Variants in SLC35E3 observed in about 807,000 individuals in gnomAD.
SLC35E3 encodes the protein bladder cancer-overexpressed gene 1 protein.
In SLC35E3, 28 loss-of-function variants were observed where a neutral mutation model predicts 30.8. That is an observed-to-expected ratio of 0.91 (90% CI 0.67 to 1.25). SLC35E3 has a LOEUF of 1.25. Among genes scored for constraint, SLC35E3 ranks in the 50% most tolerant of loss-of-function variants. SLC35E3 has a pLI of 0.00. For missense variants in SLC35E3, 365 were observed against 375.4 expected (o/e 0.97, Z 0.23); for synonymous variants, 146 against 149.2 (o/e 0.98, Z 0.16).
intron 2 of SLC35E3, among the ~76,000 whole-genome samples, chr12:68,751,359 G>A (rs1170449453): frequency 2.7e-5 from 4 of 150,578 alleles, no homozygotes; most frequent in African/African-American, 7.4e-5. Context: ...GTGCAGTGGC[G>A]CGATCTCAGC....
chr12:68,746,845 T>A, intron 1 of SLC35E3, 66 bp downstream of exon 1: 1 of 1,462,822 alleles, frequency 6.8e-7, no homozygotes, highest in Non-Finnish European at 9.2e-7. Context: ...CCCCGGGAAA[T>A]TCGAACGCAC....
chr12:68,767,036 C>A lies in SLC35E3; in HGVS notation c.*2146C>A, dbSNP rs182242792. On this transcript the variant is annotated 3_prime_UTR_variant, in exon 5 of 5. Coordinates refer to ENST00000398004, the MANE Select transcript of SLC35E3 (RefSeq NM_018656.5). Reference sequence around the variant, plus strand: ...CTTTCTAAGGTGGCTGGGGAAAATTCTTGTACAGCAAGTTGGGACAAAATA... The same window carrying A: ...CTTTCTAAGGTGGCTGGGGAAAATTATTGTACAGCAAGTTGGGACAAAATA... 126 of 167,278 alleles carry A rather than the reference C, an allele frequency of 7.5e-4. 1 individual carries two copies. Among genetic ancestry groups the A allele is most frequent in the African/African-American group, 2.9e-3 (121 of 41,850 alleles). The allele number at this position is 167,278 out of a possible 1,614,324, so 10.4% of individuals were successfully genotyped here.
chr12:68,750,338 C>A (rs191952724), intron 2 of SLC35E3, among the ~76,000 whole-genome samples: 171 of 152,292 alleles, frequency 1.1e-3, no homozygotes, highest in African/African-American at 3.9e-3. Flanking sequence ...GAGGGAAGAG[C>A]AGTAGATCTC....
rs1414376068 is a variant in SLC35E3 at position 68,775,916 on chromosome 12, C to A, written c.*11026C>A. 1 of 130,520 alleles carries A rather than the reference C, an allele frequency of 7.7e-6. No individual in the cohort carries two copies. Among genetic ancestry groups the A allele is most frequent in the Admixed American group, 8.9e-5 (1 of 11,182 alleles). 8.1% of individuals were successfully genotyped at this position (130,520 alleles called of 1,614,324 possible). A position where few individuals can be genotyped will look rare whatever the true frequency, so the allele number is the denominator to read the frequency against. ...TAAGCTGGAATCACACTATTACACT[C>A]CAGCCTGGGTGACAAGAGCGAAACT... On this transcript the variant is annotated 3_prime_UTR_variant, in exon 5 of 5. Coordinates refer to ENST00000398004, the MANE Select transcript of SLC35E3 (RefSeq NM_018656.5).
At chr12:68,759,389 C>A in intron 4 of SLC35E3, 150 bp downstream of exon 4, 1 of 628,910 alleles carries the variant, frequency 1.6e-6, no homozygotes, top group Non-Finnish European at 2.8e-6. Flanking sequence ...TATCTTTACC[C>A]ACTAAAGGAT....
rs1039953003 is a variant in SLC35E3, at chr12:68,778,573, T to G, written c.*13683T>G. On this transcript the variant is annotated 3_prime_UTR_variant, in exon 5 of 5. Coordinates refer to ENST00000398004, the MANE Select transcript of SLC35E3 (RefSeq NM_018656.5). ...GCAAGGCCGAAGCGGGTGGATCACC[T>G]GAGGTCAGGAGTTTGAGACCAGCCT... 5 of 152,238 alleles carry G rather than the reference T, an allele frequency of 3.3e-5. No individual in the cohort carries two copies. The highest frequency in any genetic ancestry group is 1.2e-4 in the African/African-American group (5 of 41,456). 9.4% of individuals were successfully genotyped at this position (152,238 alleles called of 1,614,324 possible).
chr12:68,750,849 T>C (rs1020026453), intron 2 of SLC35E3, among the ~76,000 whole-genome samples: 2 of 152,284 alleles, frequency 1.3e-5, no homozygotes, highest in East Asian at 3.9e-4. Flanking sequence ...TATTTTTGTC[T>C]TGATGGATTT....
intron 1 of SLC35E3, among the ~76,000 whole-genome samples, chr12:68,747,394 C>G (rs112211049): frequency 0.05 from 7,608 of 152,046 alleles, 635 homozygotes; most frequent in African/African-American, 0.17. Flanking sequence ...CTCAGCCTCC[C>G]GAGTAGCTGG....
Position 68,769,661 on chromosome 12 carries a change from TAAATA to T in SLC35E3, c.*4774_*4778del, listed in dbSNP as rs1430734796. On this transcript the variant is annotated 3_prime_UTR_variant, in exon 5 of 5. Coordinates refer to ENST00000398004, the MANE Select transcript of SLC35E3 (RefSeq NM_018656.5). ...GCAACAAGAGCAAAACTGTCTCAAA[TAAATA>T]AATAATAAAAGAAAGGAGACCGGAT... 1 of 152,040 alleles carries T rather than the reference TAAATA, an allele frequency of 6.6e-6. No homozygotes were observed. The highest frequency in any genetic ancestry group is 2.4e-5 in the African/African-American group (1 of 41,422). The allele number at this position is 152,040 out of a possible 1,614,324, so 9.4% of individuals were successfully genotyped here. A position where few individuals can be genotyped will look rare whatever the true frequency, so the allele number is the denominator to read the frequency against.
intron 3 of SLC35E3, among the ~76,000 whole-genome samples, chr12:68,756,889 C>T (rs1879035252): frequency 6.6e-6 from 1 of 152,162 alleles, no homozygotes; most frequent in African/African-American, 2.4e-5. Context: ...GTGGCTGGTG[C>T]CTGTAGTCTC....
At position 68,767,062 on chromosome 12, in the gene SLC35E3, G is replaced by A. The variant is rs1879449971; in HGVS notation, c.*2172G>A. ...TTGTACAGCAAGTTGGGACAAAATAGCCATATAGAAACAGCCATATAAGAT... is the reference window on the plus strand; with the variant it reads ...TTGTACAGCAAGTTGGGACAAAATAACCATATAGAAACAGCCATATAAGAT... On this transcript the variant is annotated 3_prime_UTR_variant, in exon 5 of 5. Coordinates refer to ENST00000398004, the MANE Select transcript of SLC35E3 (RefSeq NM_018656.5). 6.1e-6 allele frequency: 1 copy of A among 163,524 alleles called. No individual in the cohort carries two copies. Among genetic ancestry groups the A allele is most frequent in the Non-Finnish European group, 1.3e-5 (1 of 74,304 alleles). 10.1% of individuals were successfully genotyped at this position (163,524 alleles called of 1,614,324 possible).
intron 2 of SLC35E3, 71 bp from the exon 3 acceptor site, chr12:68,751,961 T>C: frequency 7.1e-7 from 1 of 1,414,092 alleles, no homozygotes; most frequent in Non-Finnish European, 9.6e-7. Context: ...TTTGTGACTC[T>C]AGTTGTCGCA....
At position 68,770,121 on chromosome 12, in the gene SLC35E3, G is replaced by C. The variant is rs1879563710; in HGVS notation, c.*5231G>C. ...GGCAGAGGGAGGGTATTGCATTCTG[G>C]AAAGAGGGAATAGCACATACAAATG... On this transcript the variant is annotated 3_prime_UTR_variant, in exon 5 of 5. Transcript: ENST00000398004. 2 of 152,200 alleles carry C rather than the reference G, an allele frequency of 1.3e-5. No homozygotes were observed. The highest frequency in any genetic ancestry group is 4.8e-5 in the African/African-American group (2 of 41,446). 9.4% of individuals were successfully genotyped at this position (152,200 alleles called of 1,614,324 possible).
At chr12:68,746,847 C>G (rs1878601292) in intron 1 of SLC35E3, 68 bp downstream of exon 1, 3 of 1,435,706 alleles carry the variant, frequency 2.1e-6, no homozygotes, top group South Asian at 1.4e-5. Flanking sequence ...CCGGGAAATT[C>G]GAACGCACAC....
chr12:68,753,988 A>G (rs1279595892), intron 3 of SLC35E3, among the ~76,000 whole-genome samples: 3 of 152,052 alleles, frequency 2.0e-5, no homozygotes, highest in Admixed American at 2.0e-4. Flanking sequence ...CTGGGACTAT[A>G]GGCGCACACC....
Position 68,772,376 on chromosome 12 carries a change from C to G in SLC35E3, c.*7486C>G, listed in dbSNP as rs1879624863. The G allele has an allele frequency of 6.6e-6, 1 of 152,058 alleles. No individual in the cohort carries two copies. The highest frequency in any genetic ancestry group is 1.5e-5 in the Non-Finnish European group (1 of 67,986). 9.4% of individuals were successfully genotyped at this position (152,058 alleles called of 1,614,324 possible). On this transcript the variant is annotated 3_prime_UTR_variant, in exon 5 of 5. Coordinates refer to ENST00000398004, the MANE Select transcript of SLC35E3 (RefSeq NM_018656.5). ...TAAGATCAATTTTTTTGTTCACAAGCATTTCTTTACTCATAGATACCATTT... is the reference window on the plus strand; with the variant it reads ...TAAGATCAATTTTTTTGTTCACAAGGATTTCTTTACTCATAGATACCATTT...
chr12:68,773,783 G>A lies in SLC35E3; in HGVS notation c.*8893G>A, dbSNP rs1879666939. 6.6e-6 allele frequency: 1 copy of A among 152,142 alleles called. No homozygotes were observed. The highest frequency in any genetic ancestry group is 6.6e-5 in the Admixed American group (1 of 15,264). The allele number at this position is 152,142 out of a possible 1,614,324, so 9.4% of individuals were successfully genotyped here. A position where few individuals can be genotyped will look rare whatever the true frequency, so the allele number is the denominator to read the frequency against. ...TCATTGACCATATTTGTTAGGATCA[G>A]CATTTTTATATGATTTAACACAAAA... is the stretch of plus-strand genomic sequence containing the variant. On this transcript the variant is annotated 3_prime_UTR_variant, in exon 5 of 5. Coordinates refer to ENST00000398004, the MANE Select transcript of SLC35E3 (RefSeq NM_018656.5).
At position 68,759,239 on chromosome 12, in the gene SLC35E3, C is replaced by A; in HGVS notation, c.755C>A (p.Thr252Asn). The change falls in exon 4 of 5, where the codon ACC (threonine) becomes AAC (asparagine). Residue 252 changes from threonine (T) to asparagine (N), a missense_variant and splice_region_variant. By Grantham distance (65) the Thr-to-Asn change is moderately conservative. Transcript: ENST00000398004. ...ATCATTGGGAACACTTCACCTGTCA[C>A]GTATCCTTTTCATATAACTTAGAAA... ...YWIIGNTSPV[T>N]YNMFGHFKFC... 1 of 1,606,366 alleles carries A rather than the reference C, an allele frequency of 6.2e-7. No individual in the cohort carries two copies. The highest frequency in any genetic ancestry group is 8.5e-7 in the Non-Finnish European group (1 of 1,174,308).
At chr12:68,754,298 TTTTGA>T (rs1878921453) in intron 3 of SLC35E3, among the ~76,000 whole-genome samples, 1 of 152,102 alleles carries the variant, frequency 6.6e-6, no homozygotes, top group Admixed American at 6.6e-5. Flanking sequence ...TTTTGTTTTG[TTTTGA>T]GTCAGAGTCT....
Sources: gnomAD v4.1 joint callset for allele counts (sites outside exome capture counted in the v4.1 genomes callset) on GRCh38, gnomAD v4.1.1 for gene constraint, MANE v1.5 for transcripts, NCBI Gene and HGNC (gene_info 2026-07-23, HGNC 2026-07-21) for gene names.